Variants in ZDHHC7 observed in about 807,000 individuals in gnomAD.
The protein encoded by ZDHHC7 is palmitoyltransferase ZDHHC7.
In ZDHHC7, 12 loss-of-function variants were observed where a neutral mutation model predicts 34.1. That is an observed-to-expected ratio of 0.35 (90% CI 0.23 to 0.57). The LOEUF (loss-of-function observed/expected upper bound fraction) is 0.57. Ranked by LOEUF, ZDHHC7 falls within the 20% of genes least tolerant of loss-of-function variation. ZDHHC7 has a pLI of 0.84. For synonymous variants in ZDHHC7, 185 were observed against 155.4 expected (o/e 1.19, Z -1.42); for missense variants, 388 against 402.7 (o/e 0.96, Z 0.31).
chr16:84,986,986 A>G (rs2072445067), intron 3 of ZDHHC7, among the ~76,000 whole-genome samples: 1 of 152,138 alleles, frequency 6.6e-6, no homozygotes. Flanking sequence ...CCCTTCAGAA[A>G]AGTAGACCTG....
At chr16:85,009,112 G>C (rs1173570727) in intron 1 of ZDHHC7, among the ~76,000 whole-genome samples, 1 of 151,560 alleles carries the variant, frequency 6.6e-6, no homozygotes, top group Non-Finnish European at 1.5e-5. Context: ...AGCTGCTTTA[G>C]TAAAATTATC....
At position 84,996,610 on chromosome 16, in the gene ZDHHC7, C is replaced by G. The variant is rs139316638; in HGVS notation, c.-103-603G>C. 7.6e-4 allele frequency among the ~76,000 whole-genome samples: 116 copies of G among 152,228 alleles called. 1 individual carries two copies. The highest frequency in any genetic ancestry group is 6.0e-3 in the East Asian group (31 of 5,182). On this transcript the variant is annotated intron_variant, in intron 1 of 7. Coordinates refer to ENST00000313732, the MANE Select transcript of ZDHHC7 (RefSeq NM_017740.3). ...CCAAGAAAAAGGTCTAAAGACTCTG[C>G]GATGTAGGGAAAACCCAACAAGAAG...
the ZDHHC7 span, among the ~76,000 whole-genome samples, chr16:85,024,129 G>A: frequency 6.6e-6 from 1 of 151,974 alleles, no homozygotes; most frequent in South Asian, 2.1e-4. Context: ...TGATGGCCAG[G>A]CTGGTCTCAA....
At chr16:85,021,409 C>CAAAAAA in the ZDHHC7 span, among the ~76,000 whole-genome samples, 2 of 85,466 alleles carry the variant, frequency 2.3e-5, no homozygotes, top group Non-Finnish European at 4.6e-5. Context: ...AGACTCCATC[C>CAAAAAA]AAAAAAAAAA....
upstream of ZDHHC7, among the ~76,000 whole-genome samples, chr16:85,012,933 A>G (rs1028169521): frequency 6.6e-6 from 1 of 152,004 alleles, no homozygotes; most frequent in Non-Finnish European, 1.5e-5. Context: ...AAAAACCAGA[A>G]TATATCACCG....
the ZDHHC7 span, among the ~76,000 whole-genome samples, chr16:85,018,598 C>T: frequency 6.6e-6 from 1 of 152,094 alleles, no homozygotes; most frequent in Non-Finnish European, 1.5e-5. Context: ...CAGGCAAGTG[C>T]CACCACGCCC....
intron 3 of ZDHHC7, among the ~76,000 whole-genome samples, chr16:84,982,628 C>T (rs778125420): frequency 6.6e-6 from 1 of 152,206 alleles, no homozygotes; most frequent in Non-Finnish European, 1.5e-5. Context: ...ACTTTAATTT[C>T]GTGTTGCTAA....
the ZDHHC7 span, among the ~76,000 whole-genome samples, chr16:85,018,015 T>C: frequency 6.6e-6 from 1 of 151,912 alleles, no homozygotes; most frequent in Non-Finnish European, 1.5e-5. Flanking sequence ...GAGACACGGG[T>C]GGGTGTGTGT....
the ZDHHC7 span, among the ~76,000 whole-genome samples, chr16:85,024,664 C>A: frequency 1.3e-5 from 2 of 151,444 alleles, no homozygotes; most frequent in Non-Finnish European, 2.9e-5. Flanking sequence ...CTTTTCCCTG[C>A]CTATCCAGAA....
At chr16:85,013,561 C>T (rs1011685086), upstream of ZDHHC7, among the ~76,000 whole-genome samples, 1 of 151,814 alleles carries the variant, frequency 6.6e-6, no homozygotes, top group African/African-American at 2.4e-5. Flanking sequence ...TATTCTTTGT[C>T]GAAGGTACTA....
intron 1 of ZDHHC7, among the ~76,000 whole-genome samples, chr16:85,009,570 C>A (rs955727296): frequency 2.0e-5 from 3 of 150,804 alleles, no homozygotes; most frequent in African/African-American, 7.5e-5. Flanking sequence ...TCCTTCAACT[C>A]TCAAATCAGA....
the ZDHHC7 span, among the ~76,000 whole-genome samples, chr16:85,022,650 C>T: frequency 3.3e-5 from 5 of 152,084 alleles, no homozygotes; most frequent in African/African-American, 1.2e-4. Context: ...TCTAAATAGT[C>T]TCAAAGTATC....
chr16:85,024,163 C>T, the ZDHHC7 span, among the ~76,000 whole-genome samples: 1 of 151,270 alleles, frequency 6.6e-6, no homozygotes, highest in Non-Finnish European at 1.5e-5. Flanking sequence ...GATGATCCAC[C>T]CGCCTTGGCT....
upstream of ZDHHC7, among the ~76,000 whole-genome samples, chr16:85,015,400 C>T (rs956208087): frequency 2.0e-5 from 3 of 152,126 alleles, no homozygotes; most frequent in African/African-American, 7.2e-5. Context: ...CACGCACGGC[C>T]TCACAGCTCT....
intron 6 of ZDHHC7, 50 bp downstream of exon 6, chr16:84,977,874 T>C (rs8045409): frequency 0.54 from 787,040 of 1,446,274 alleles, 222,218 homozygotes; most frequent in African/African-American, 0.89. Flanking sequence ...TCCCCTTTCA[T>C]CCAATAACAG....
At chr16:84,977,359 C>A (rs992898430) in intron 6 of ZDHHC7, 134 bp from the exon 7 acceptor site, 3 of 1,164,716 alleles carry the variant, frequency 2.6e-6, no homozygotes, top group Middle Eastern at 2.1e-4. Context: ...TCTAAATGGG[C>A]ACATTCATTG....
chr16:84,992,061 A>T (rs1412009596), intron 2 of ZDHHC7, among the ~76,000 whole-genome samples: 1 of 151,940 alleles, frequency 6.6e-6, no homozygotes, highest in Non-Finnish European at 1.5e-5. Context: ...CTGTAATCCC[A>T]GCTACTCGGG....
chr16:84,989,653 C>G (rs1567497975), intron 3 of ZDHHC7, among the ~76,000 whole-genome samples: 1 of 131,872 alleles, frequency 7.6e-6, no homozygotes, highest in African/African-American at 3.0e-5. Context: ...CAAGATCGCA[C>G]ATTGCACTCC....
In ZDHHC7 at chr16:84,979,219, T is replaced by C. The variant is rs759123571; in HGVS notation, c.507A>G (p.Glu169=). The part of the protein sequence containing the change: ...HCPWVNNCVG[E]KNQRFFVLFT... ...AGAGCACAAAAAATCTTTGATTCTT[T>C]TCTCCTACACAATTGTTCACCCACG... Residue 169 remains glutamate (E), a synonymous_variant, in exon 5 of 8, where the codon GAA becomes GAG. Transcript: ENST00000313732. The C allele has an allele frequency of 1.7e-5, 27 of 1,600,992 alleles. No homozygotes were observed. Among genetic ancestry groups the C allele is most frequent in the Non-Finnish European group, 2.2e-5 (26 of 1,176,862 alleles).
Sources: gnomAD v4.1 joint callset for allele counts (sites outside exome capture counted in the v4.1 genomes callset) on GRCh38, gnomAD v4.1.1 for gene constraint, MANE v1.5 for transcripts, NCBI Gene and HGNC (gene_info 2026-07-23, HGNC 2026-07-21) for gene names.